Variants in EXPH5 observed in about 807,000 individuals in gnomAD.
EXPH5 encodes the protein exophilin 5, also known as exophilin-5.
EXPH5 carries 42 observed loss-of-function variants against 41.1 expected under a neutral mutation model. That is an observed-to-expected ratio of 1.02 (90% CI 0.80 to 1.32). EXPH5 has a LOEUF of 1.32. Ranked by LOEUF, EXPH5 falls within the 40% of genes most tolerant of loss-of-function variation. EXPH5 has a pLI of 0.00. For synonymous variants in EXPH5, 798 were observed against 833.5 expected (o/e 0.96, Z 0.73); for missense variants, 2,298 against 2,314.5 (o/e 0.99, Z 0.15).
intron 5 of EXPH5, 108 bp downstream of exon 5, chr11:108,518,127 A>G (rs1164293392): frequency 2.0e-6 from 2 of 1,003,232 alleles, no homozygotes; most frequent in African/African-American, 1.6e-5. Context: ...GGATGTAAAA[A>G]ATAAAGTACA....
At chr11:108,564,589 A>G (rs535898203) in intron 1 of EXPH5, among the ~76,000 whole-genome samples, 1 of 152,216 alleles carries the variant, frequency 6.6e-6, no homozygotes, top group South Asian at 2.1e-4. Flanking sequence ...CCAGTTCAAA[A>G]CTAGCATTGT....
chr11:108,598,519 G>A (rs763530974), upstream of EXPH5, among the ~76,000 whole-genome samples: 18 of 93,470 alleles, frequency 1.9e-4, no homozygotes, highest in Admixed American at 7.6e-4. Context: ...TGTGATAAAC[G>A]CTATGAAGAA....
Position 108,509,862 on chromosome 11 carries a change from C to G in EXPH5, c.5645G>C (p.Arg1882Thr), listed in dbSNP as rs1353852470. ...CCCAAAGATCCCATAGTCGATAGGTCTGTATATAGATATTGCAGACCTGGG... is the reference window on the plus strand; with the variant it reads ...CCCAAAGATCCCATAGTCGATAGGTGTGTATATAGATATTGCAGACCTGGG... ...TGPRSAISIYRPIDYGIFGKE... is the reference protein window; with the variant it reads ...TGPRSAISIYTPIDYGIFGKE... Residue 1882 changes from arginine (R) to threonine (T), a missense_variant, in exon 6 of 6, where the codon AGA becomes ACA. Arg to Thr is a moderately conservative substitution (Grantham distance 71). Transcript: ENST00000265843. 2.5e-6 allele frequency: 4 copies of G among 1,612,478 alleles called. No individual in the cohort carries two copies. Among genetic ancestry groups the G allele is most frequent in the Non-Finnish European group, 3.4e-6 (4 of 1,179,608 alleles).
chr11:108,595,984 G>A (rs1021333433), upstream of EXPH5, among the ~76,000 whole-genome samples: 4 of 152,222 alleles, frequency 2.6e-5, no homozygotes, highest in South Asian at 4.2e-4. Flanking sequence ...GGCAGATCAC[G>A]AGGTCAGGAG....
chr11:108,523,416 A>AT (rs1237072104), intron 4 of EXPH5, among the ~76,000 whole-genome samples: 8 of 150,820 alleles, frequency 5.3e-5, no homozygotes, highest in South Asian at 2.1e-4. Flanking sequence ...TCTTTCCATT[A>AT]TTTTTTTTTA....
intron 4 of EXPH5, among the ~76,000 whole-genome samples, chr11:108,522,864 A>G (rs1024281485): frequency 6.6e-5 from 10 of 151,874 alleles, no homozygotes; most frequent in African/African-American, 2.2e-4. Context: ...TTGCAGCACA[A>G]TTGTGTCAAA....
At chr11:108,592,978 G>A (rs2094131268) in intron 1 of EXPH5, among the ~76,000 whole-genome samples, 1 of 152,252 alleles carries the variant, frequency 6.6e-6, no homozygotes, top group Non-Finnish European at 1.5e-5. Context: ...GAGGGTGGAA[G>A]CTCTGTCGGA....
chr11:108,595,966 C>T (rs1400963033), upstream of EXPH5, among the ~76,000 whole-genome samples: 6 of 152,072 alleles, frequency 3.9e-5, no homozygotes, highest in South Asian at 4.2e-4. Context: ...CTTTGGGAGG[C>T]GGAGGCGGGC....
At position 108,510,024 on chromosome 11, in the gene EXPH5, TTGTCAATAG is replaced by T; in HGVS notation, c.5474_5482del (p.Ser1825_Asn1828delinsTyr). The T allele has an allele frequency of 6.2e-7, 1 of 1,613,608 alleles. No homozygotes were observed. On this transcript the variant is annotated inframe_deletion, in exon 6 of 6. Coordinates refer to ENST00000265843, the MANE Select transcript of EXPH5 (RefSeq NM_015065.3). ...CCCAAGGGTCAGTCGACTCAGGGCA[TTGTCAATAG>T]AAGTGCTTTCAGAAAAATGGCGCTC... is the stretch of plus-strand genomic sequence containing the variant.
At chr11:108,600,637 A>G in the EXPH5 span, among the ~76,000 whole-genome samples, 5 of 152,194 alleles carry the variant, frequency 3.3e-5, no homozygotes, top group Admixed American at 2.6e-4. Context: ...TAACTCACCA[A>G]TGAAGGCCTT....
chr11:108,594,211 T>C (rs1461866330), upstream of EXPH5, among the ~76,000 whole-genome samples: 4 of 152,140 alleles, frequency 2.6e-5, no homozygotes, highest in East Asian at 7.7e-4. Flanking sequence ...GGGCGGAAAT[T>C]AGTGTATCCT....
At chr11:108,574,817 C>A (rs896885579) in intron 1 of EXPH5, among the ~76,000 whole-genome samples, 4 of 152,356 alleles carry the variant, frequency 2.6e-5, no homozygotes, top group East Asian at 3.9e-4. Flanking sequence ...ATAAAAAGGA[C>A]TCTTCTTGGA....
chr11:108,571,822 AGGCCAAGGCG>A (rs2094061104), intron 1 of EXPH5, among the ~76,000 whole-genome samples: 1 of 152,172 alleles, frequency 6.6e-6, no homozygotes, highest in Admixed American at 6.5e-5. Context: ...GCACTTTGGG[AGGCCAAGGCG>A]GGCGGATCAT....
chr11:108,544,461 C>T (rs957569589), intron 1 of EXPH5, among the ~76,000 whole-genome samples: 3 of 152,196 alleles, frequency 2.0e-5, no homozygotes, highest in Non-Finnish European at 4.4e-5. Context: ...AGCCACAATG[C>T]CGAGCCCTGA....
intron 1 of EXPH5, among the ~76,000 whole-genome samples, chr11:108,575,306 A>G (rs2094076092): frequency 6.6e-6 from 1 of 152,254 alleles, no homozygotes; most frequent in South Asian, 2.1e-4. Context: ...CTGCCAGTGA[A>G]GGTGCAATTT....
At chr11:108,514,995 TATC>T in intron 5 of EXPH5, 120 bp from the exon 6 acceptor site, 1 of 513,688 alleles carries the variant, frequency 1.9e-6, no homozygotes. Context: ...TTTATCATAT[TATC>T]ATGTTATAAC....
intron 1 of EXPH5, among the ~76,000 whole-genome samples, chr11:108,562,013 T>A (rs2094013879): frequency 6.6e-6 from 1 of 152,188 alleles, no homozygotes; most frequent in South Asian, 2.1e-4. Context: ...TCCTGAGGAC[T>A]GGCCGTGCAG....
chr11:108,541,457 C>G (rs1056698805), intron 2 of EXPH5, among the ~76,000 whole-genome samples, 195 bp downstream of exon 2: 1 of 151,864 alleles, frequency 6.6e-6, no homozygotes. Context: ...AAAAAAAATC[C>G]AAGACATTAT....
chr11:108,603,769 T>C, the EXPH5 span, among the ~76,000 whole-genome samples: 1 of 152,184 alleles, frequency 6.6e-6, no homozygotes, highest in Admixed American at 6.5e-5. Flanking sequence ...TTGCTCCACA[T>C]GACTGAATGC....
Sources: allele counts gnomAD v4.1 joint callset (sites outside exome capture counted in the v4.1 genomes callset), GRCh38; gene constraint gnomAD v4.1.1; transcripts MANE v1.5; gene names NCBI Gene and HGNC (gene_info 2026-07-23, HGNC 2026-07-21).